Variants in SPTB observed in about 807,000 individuals in gnomAD.
SPTB encodes spectrin beta chain, erythrocytic.
A neutral mutation model predicts 256.2 loss-of-function variants in SPTB; 45 were observed. The ratio of observed to expected loss-of-function variants is 0.18; its 90% CI spans 0.14 to 0.23. The LOEUF is 0.23. Ranked by LOEUF, SPTB falls within the 10% of genes least tolerant of loss-of-function variation. The probability of loss-of-function intolerance (pLI) is 1.00; values close to 1 mark genes in which losing one functional copy is unlikely to be tolerated. For missense variants in SPTB, 2,715 were observed against 3,040.4 expected (o/e 0.89, Z 2.52); for synonymous variants, 1,231 against 1,243.1 (o/e 0.99, Z 0.21).
intron 32 of SPTB, 200 bp from the exon 33 acceptor site, chr14:64,753,993 T>C (rs2081988097): frequency 4.3e-6 from 3 of 691,802 alleles, no homozygotes; most frequent in Non-Finnish European, 7.6e-6. Flanking sequence ...TGCCTGTGCT[T>C]CTGGCTCCAT....
chr14:64,750,202 T>G (rs1343741147), intron 33 of SPTB, 48 bp from the exon 34 acceptor site: 1 of 1,583,970 alleles, frequency 6.3e-7, no homozygotes, highest in Non-Finnish European at 8.6e-7. Flanking sequence ...ATATGGTATC[T>G]CTAGAGTCAA....
In SPTB at chr14:64,782,285, C is replaced by T. The variant is rs1208350542; in HGVS notation, c.4266+5G>A. ...ACACTCTGAGTCTACAACCCACTCA[C>T]GTGCCTTCAGCTTAGCCAACATCCG... On this transcript the variant is annotated splice_donor_5th_base_variant and intron_variant, in intron 20 of 35. Coordinates refer to ENST00000644917, the MANE Select transcript of SPTB (RefSeq NM_001355436.2). The T allele has an allele frequency of 1.2e-6, 2 of 1,614,124 alleles. No homozygotes were observed. The highest frequency in any genetic ancestry group is 2.2e-5 in the East Asian group (1 of 44,900).
In SPTB at chr14:64,806,342, G is replaced by A. The variant is rs937903902; in HGVS notation, c.149-1252C>T. Among the ~76,000 whole-genome samples the A allele has an allele frequency of 6.6e-6, 1 of 152,196 alleles. No individual in the cohort carries two copies. Among genetic ancestry groups the A allele is most frequent in the Non-Finnish European group, 1.5e-5 (1 of 68,034 alleles). ...GTGACTTGGCAGTGAGGCTGGGCCT[G>A]AGGGTTGTGGAGGATCCCTGGGGAG... On this transcript the variant is annotated intron_variant, in intron 2 of 35. Coordinates refer to ENST00000644917, the MANE Select transcript of SPTB (RefSeq NM_001355436.2). This position sits in a 1 kb window ranked among gnomAD's most constrained non-coding sequence, Gnocchi z 4.1.
chr14:64,799,198 C>T (rs939546631), intron 9 of SPTB, among the ~76,000 whole-genome samples: 6 of 152,162 alleles, frequency 3.9e-5, no homozygotes, highest in Admixed American at 6.5e-5. Flanking sequence ...TGTGTGTGCA[C>T]GGTTGTTTGC....
In SPTB at chr14:64,779,710, C is replaced by T. The variant is rs1207708617; in HGVS notation, c.4473+15G>A. On this transcript the variant is annotated intron_variant, in intron 21 of 35. Coordinates refer to ENST00000644917, the MANE Select transcript of SPTB (RefSeq NM_001355436.2). This position sits in a 1 kb window ranked among gnomAD's most constrained non-coding sequence, Gnocchi z 4.2. ...CTCAGCCTCAGGAGGTAGGGAGAAG[C>T]TGTGGCCCACGCACCGTCTCATCCT... The T allele has an allele frequency of 6.2e-7, 1 of 1,614,078 alleles. No homozygotes were observed. Among genetic ancestry groups the T allele is most frequent in the Non-Finnish European group, 8.5e-7 (1 of 1,179,988 alleles).
intron 22 of SPTB, among the ~76,000 whole-genome samples, chr14:64,776,497 G>A (rs1367661708): frequency 1.3e-5 from 2 of 152,110 alleles, no homozygotes; most frequent in African/African-American, 2.4e-5. Context: ...AGGCTGGAGT[G>A]CAGTGGCACA....
intron 2 of SPTB, among the ~76,000 whole-genome samples, chr14:64,812,218 G>T (rs1307482315): frequency 6.6e-6 from 1 of 152,160 alleles, no homozygotes; most frequent in African/African-American, 2.4e-5. Context: ...CAAGGTGCTG[G>T]GATTACAGGC....
In SPTB at chr14:64,758,849, G is replaced by C. The variant is rs531707840; in HGVS notation, c.6346-5056C>G. Among the ~76,000 whole-genome samples the C allele has an allele frequency of 6.6e-6, 1 of 151,680 alleles. No homozygotes were observed. The highest frequency in any genetic ancestry group is 2.4e-5 in the African/African-American group (1 of 41,404). The stretch of plus-strand genomic sequence containing the variant: ...ATGTGAGTGTGTATGTGTATGTAAA[G>C]ATCTTTTGCAATTCATAAGAGATAA... On this transcript the variant is annotated intron_variant, in intron 32 of 35. Coordinates refer to ENST00000644917, the MANE Select transcript of SPTB (RefSeq NM_001355436.2). The surrounding 1 kb of genome is among the most constrained non-coding windows in gnomAD (Gnocchi z 4.6).
At chr14:64,863,761 T>G (rs1452395884) in intron 1 of SPTB, among the ~76,000 whole-genome samples, 1 of 152,236 alleles carries the variant, frequency 6.6e-6, no homozygotes, top group Non-Finnish European at 1.5e-5. Flanking sequence ...TTCTCCCTAG[T>G]GTCCTAGATT....
intron 8 of SPTB, 131 bp downstream of exon 8, chr14:64,800,625 T>C: frequency 1.2e-6 from 1 of 805,770 alleles, no homozygotes; most frequent in Non-Finnish European, 2.1e-6. Context: ...GTTGCCAAGG[T>C]CAGCTTTAGA....
In SPTB at chr14:64,853,480, C is replaced by T. The variant is rs1222853172; in HGVS notation, c.-52+26312G>A. Among the ~76,000 whole-genome samples the T allele has an allele frequency of 6.6e-6, 1 of 152,192 alleles. No homozygotes were observed. The highest frequency in any genetic ancestry group is 1.5e-5 in the Non-Finnish European group (1 of 68,036). On this transcript the variant is annotated intron_variant, in intron 1 of 35. Transcript: ENST00000644917. The surrounding 1 kb of genome is among the most constrained non-coding windows in gnomAD (Gnocchi z 4.3). The stretch of plus-strand genomic sequence containing the variant: ...GAGCAAACAACACTGTCCCATATCC[C>T]AGAGAGCCTTAGTGATTCACAGCTG...
rs2082904055 is a variant in SPTB, at chr14:64,802,428, T to A, written c.475-111A>T. On this transcript the variant is annotated intron_variant, in intron 4 of 35. Transcript: ENST00000644917. This position sits in a 1 kb window ranked among gnomAD's most constrained non-coding sequence, Gnocchi z 5.1. ...CATCCCCCCTTCACTTAACACTAATTCATCCTTTAAGAGCCAGTATAAATG... is the reference window on the plus strand; with the variant it reads ...CATCCCCCCTTCACTTAACACTAATACATCCTTTAAGAGCCAGTATAAATG... The A allele has an allele frequency of 1.0e-6, 1 of 1,004,160 alleles. No homozygotes were observed. Among genetic ancestry groups the A allele is most frequent in the Non-Finnish European group, 1.5e-6 (1 of 652,612 alleles). The allele number at this position is 1,004,160 out of a possible 1,614,324, so 62.2% of individuals were successfully genotyped here. A position where few individuals can be genotyped will look rare whatever the true frequency, so the allele number is the denominator to read the frequency against.
At chr14:64,805,855 G>A (rs1237932503) in intron 2 of SPTB, among the ~76,000 whole-genome samples, 2 of 152,176 alleles carry the variant, frequency 1.3e-5, no homozygotes, top group Non-Finnish European at 2.9e-5. Flanking sequence ...TAGAATGTAT[G>A]ACTCATGTGG....
chr14:64,768,173 C>A (rs1432030832), intron 29 of SPTB: 1 of 441,220 alleles, frequency 2.3e-6, no homozygotes, highest in Non-Finnish European at 4.2e-6. Flanking sequence ...TACCAAGTGG[C>A]TGGGACTATA....
chr14:64,802,700 T>C lies in SPTB; in HGVS notation c.475-383A>G, dbSNP rs1005665104. On this transcript the variant is annotated intron_variant, in intron 4 of 35. Coordinates refer to ENST00000644917, the MANE Select transcript of SPTB (RefSeq NM_001355436.2). This position sits in a 1 kb window ranked among gnomAD's most constrained non-coding sequence, Gnocchi z 5.1. Reference sequence around the variant, plus strand: ...GACACACAGAGGTAAAACAAATTTCTTGCCCTCAAGGAGTAGCCGCCAGCC... The same window carrying C: ...GACACACAGAGGTAAAACAAATTTCCTGCCCTCAAGGAGTAGCCGCCAGCC... Among the ~76,000 whole-genome samples, 1 of 152,224 alleles carries C rather than the reference T, an allele frequency of 6.6e-6. No individual in the cohort carries two copies. The highest frequency in any genetic ancestry group is 1.5e-5 in the Non-Finnish European group (1 of 68,046).
At position 64,786,097 on chromosome 14, in the gene SPTB, C is replaced by CTGTA; in HGVS notation, c.3562-147_3562-146insTACA. 1.1e-6 allele frequency: 1 copy of CTGTA among 874,752 alleles called. No individual in the cohort carries two copies. The highest frequency in any genetic ancestry group is 1.7e-5 in the African/African-American group (1 of 60,246). 54.2% of individuals were successfully genotyped at this position (874,752 alleles called of 1,614,324 possible). A position where few individuals can be genotyped will look rare whatever the true frequency, so the allele number is the denominator to read the frequency against. ...TAGTACAGGGAGGAGGCACTACTCC[C>CTGTA]CAGGCCTTGCCCCCACCCCTACCCC... On this transcript the variant is annotated intron_variant, in intron 16 of 35. Coordinates refer to ENST00000644917, the MANE Select transcript of SPTB (RefSeq NM_001355436.2). This position sits in a 1 kb window ranked among gnomAD's most constrained non-coding sequence, Gnocchi z 5.6.
At chr14:64,837,821 A>T (rs998334261) in intron 1 of SPTB, among the ~76,000 whole-genome samples, 2 of 152,126 alleles carry the variant, frequency 1.3e-5, no homozygotes, top group Admixed American at 1.3e-4. Flanking sequence ...GGCAGGTCTC[A>T]AACTCCTGAC....
chr14:64,805,917 T>C (rs574436211), intron 2 of SPTB, among the ~76,000 whole-genome samples: 2 of 152,184 alleles, frequency 1.3e-5, no homozygotes, highest in South Asian at 4.1e-4. Context: ...CTTTACGCTA[T>C]CTTTCTCAGC....
At position 64,779,605 on chromosome 14, in the gene SPTB, G is replaced by T; in HGVS notation, c.4473+120C>A. ...TGTAATCCTCACAAGAACCCTATGA[G>T]ATAAGGGGTGAGGTGACCAGTCATC... On this transcript the variant is annotated intron_variant, in intron 21 of 35. Transcript: ENST00000644917. This position sits in a 1 kb window ranked among gnomAD's most constrained non-coding sequence, Gnocchi z 4.2. 1.0e-6 allele frequency: 1 copy of T among 997,990 alleles called. No homozygotes were observed. Among genetic ancestry groups the T allele is most frequent in the Non-Finnish European group, 1.6e-6 (1 of 625,592 alleles). The allele number at this position is 997,990 out of a possible 1,614,324, so 61.8% of individuals were successfully genotyped here. A position where few individuals can be genotyped will look rare whatever the true frequency, so the allele number is the denominator to read the frequency against.
Sources: gnomAD v4.1 joint callset for allele counts (sites outside exome capture counted in the v4.1 genomes callset) on GRCh38, gnomAD v4.1.1 for gene constraint, Gnocchi (gnomAD v3.1) non-coding constraint, MANE v1.5 for transcripts, NCBI Gene and HGNC (gene_info 2026-07-23, HGNC 2026-07-21) for gene names.